Variants in GABBR2 observed in about 807,000 individuals in gnomAD.
The protein encoded by GABBR2 is gamma-aminobutyric acid type B receptor subunit 2.
GABBR2 carries 23 observed loss-of-function variants against 105.6 expected under a neutral mutation model. The observed-to-expected ratio is 0.22, with a 90% confidence interval of 0.16 to 0.31. GABBR2 has a LOEUF of 0.31. Among genes scored for constraint, GABBR2 ranks in the 10% least tolerant of loss-of-function variants. GABBR2 has a pLI of 1.00. For synonymous variants in GABBR2, 478 were observed against 499.7 expected, an observed-to-expected ratio of 0.96 and a Z score of 0.58; for missense variants, 734 against 1,245.5, an observed-to-expected ratio of 0.59 and a Z score of 6.18.
At chr9:98,587,798 T>C (rs142529665) in intron 1 of GABBR2, among the ~76,000 whole-genome samples, 5 of 152,350 alleles carry the variant, frequency 3.3e-5, no homozygotes, top group African/African-American at 1.2e-4. Flanking sequence ...TGGAAACAAA[T>C]ATTTTCTGTA....
chr9:98,661,693 G>A (rs1479216404), intron 1 of GABBR2, among the ~76,000 whole-genome samples: 1 of 152,276 alleles, frequency 6.6e-6, no homozygotes, highest in Admixed American at 6.5e-5. Flanking sequence ...GAGCCACCGC[G>A]CCTGGCCTGT....
At chr9:98,322,618 G>A (rs1037591652) in intron 13 of GABBR2, among the ~76,000 whole-genome samples, 6 of 131,430 alleles carry the variant, frequency 4.6e-5, no homozygotes, top group South Asian at 4.9e-4. Context: ...CCCCATACCC[G>A]TCCAGCCTTG....
At position 98,646,597 on chromosome 9, in the gene GABBR2, G is replaced by T. The variant is rs141099392; in HGVS notation, c.321+61820C>A. Among the ~76,000 whole-genome samples the T allele has an allele frequency of 1.8e-4, 27 of 152,290 alleles. No individual in the cohort carries two copies. In the East Asian group the frequency reaches 5.0e-3, roughly 28 times the overall value. On this transcript the variant is annotated intron_variant, in intron 1 of 18. Coordinates refer to ENST00000259455, the MANE Select transcript of GABBR2 (RefSeq NM_005458.8). ...TATCGAGCCTAGAGGTGGTCTTGGG[G>T]ACTCCAACGCATCTTCAAAAGCCCT...
At chr9:98,396,751 AATC>A (rs1228403380) in intron 8 of GABBR2, among the ~76,000 whole-genome samples, 1 of 152,186 alleles carries the variant, frequency 6.6e-6, no homozygotes, top group African/African-American at 2.4e-5. Flanking sequence ...GATCAGAATC[AATC>A]ATCAAGAGTG....
chr9:98,295,377 C>T (rs1008781173), intron 17 of GABBR2, among the ~76,000 whole-genome samples: 13 of 152,126 alleles, frequency 8.5e-5, no homozygotes, highest in African/African-American at 2.9e-4. Flanking sequence ...CCAAGCACAG[C>T]GCTGAAGTGC....
chr9:98,506,914 T>C (rs760904572), intron 3 of GABBR2, among the ~76,000 whole-genome samples: 24 of 152,044 alleles, frequency 1.6e-4, no homozygotes, highest in Non-Finnish European at 2.1e-4. Context: ...ACTATGAAAG[T>C]CCTCCAGAGG....
intron 13 of GABBR2, among the ~76,000 whole-genome samples, chr9:98,354,140 AATTT>A (rs1180219668): frequency 2.0e-5 from 3 of 152,196 alleles, no homozygotes; most frequent in Admixed American, 6.5e-5. Flanking sequence ...TTAATTAATT[AATTT>A]ATTTCTGAAC....
intron 3 of GABBR2, among the ~76,000 whole-genome samples, chr9:98,524,681 C>G (rs1827926703): frequency 6.6e-6 from 1 of 152,184 alleles, no homozygotes; most frequent in African/African-American, 2.4e-5. Context: ...TTCATTCCAT[C>G]AGGAAATCTT....
chr9:98,352,516 C>A (rs966937892), intron 13 of GABBR2, among the ~76,000 whole-genome samples: 2 of 152,080 alleles, frequency 1.3e-5, no homozygotes, highest in African/African-American at 4.8e-5. Flanking sequence ...CTCAGATTCC[C>A]AGATAGCACA....
intron 7 of GABBR2, among the ~76,000 whole-genome samples, chr9:98,446,143 G>A (rs988949046): frequency 4.6e-5 from 7 of 152,176 alleles, no homozygotes; most frequent in African/African-American, 1.2e-4. Context: ...ATTGTTGAGA[G>A]GGTGAAATGA....
At chr9:98,340,966 G>A (rs1831202321) in intron 13 of GABBR2, among the ~76,000 whole-genome samples, 1 of 152,262 alleles carries the variant, frequency 6.6e-6, no homozygotes. Context: ...TGACACTTGA[G>A]AATTTCTAGC....
intron 11 of GABBR2, among the ~76,000 whole-genome samples, chr9:98,382,188 G>C (rs145641816): frequency 6.6e-6 from 1 of 152,126 alleles, no homozygotes; most frequent in Non-Finnish European, 1.5e-5. Flanking sequence ...AGTGGCCCCC[G>C]GGAAGGACTG....
At chr9:98,311,070 A>G in intron 14 of GABBR2, 25 bp downstream of exon 14, 2 of 1,316,054 alleles carry the variant, frequency 1.5e-6, no homozygotes, top group Non-Finnish European at 2.2e-6. Context: ...TCCCCCCTCA[A>G]CACTGTCTCC....
intron 4 of GABBR2, among the ~76,000 whole-genome samples, chr9:98,494,065 A>G (rs1394676585): frequency 6.6e-6 from 1 of 152,224 alleles, no homozygotes; most frequent in Non-Finnish European, 1.5e-5. Flanking sequence ...AAGAGAGGAC[A>G]TGCCATGTGT....
At chr9:98,422,180 G>T (rs1009046152) in intron 7 of GABBR2, among the ~76,000 whole-genome samples, 1 of 152,066 alleles carries the variant, frequency 6.6e-6, no homozygotes, top group Non-Finnish European at 1.5e-5. Context: ...TTACAAAAGA[G>T]AAAAAACCAG....
At chr9:98,475,356 A>T (rs1826769933) in intron 5 of GABBR2, among the ~76,000 whole-genome samples, 1 of 151,510 alleles carries the variant, frequency 6.6e-6, no homozygotes, top group Admixed American at 6.6e-5. Flanking sequence ...TAAAAAAAAA[A>T]AAGAAAAGAA....
intron 1 of GABBR2, among the ~76,000 whole-genome samples, chr9:98,603,148 T>C (rs1829365160): frequency 6.6e-6 from 1 of 152,184 alleles, no homozygotes; most frequent in Non-Finnish European, 1.5e-5. Flanking sequence ...TGTCAATAAA[T>C]ACCCCCACTC....
intron 10 of GABBR2, among the ~76,000 whole-genome samples, chr9:98,387,755 T>C (rs1168115065): frequency 6.6e-6 from 1 of 151,682 alleles, no homozygotes; most frequent in Non-Finnish European, 1.5e-5. Flanking sequence ...AGTGAGACTG[T>C]CTCTTAAAAA....
intron 6 of GABBR2, among the ~76,000 whole-genome samples, chr9:98,471,511 C>T (rs142107613): frequency 3.3e-5 from 5 of 152,378 alleles, no homozygotes; most frequent in East Asian, 1.9e-4. Flanking sequence ...AATGCACTCT[C>T]GTGTACTGCT....
Sources: gnomAD v4.1 joint callset for allele counts (sites outside exome capture counted in the v4.1 genomes callset) on GRCh38, gnomAD v4.1.1 for gene constraint, MANE v1.5 for transcripts, NCBI Gene and HGNC (gene_info 2026-07-23, HGNC 2026-07-21) for gene names.